The following PTPRG variants were observed in gnomAD, a reference collection of about 807,000 sequenced individuals.
PTPRG encodes the protein receptor-type tyrosine-protein phosphatase gamma.
In PTPRG, 102 loss-of-function variants were observed where a neutral mutation model predicts 165.3. The observed-to-expected ratio is 0.62, with a 90% CI of 0.53 to 0.73. PTPRG has a LOEUF of 0.73. Ranked by LOEUF, PTPRG falls within the 30% of genes least tolerant of loss-of-function variation. The probability of loss-of-function intolerance (pLI) is 0.00; values close to 1 mark genes in which losing one functional copy is unlikely to be tolerated. For synonymous variants in PTPRG, 675 were observed against 669.5 expected (o/e 1.01, Z -0.13); for missense variants, 1,866 against 1,861.4 (o/e 1.00, Z -0.05).
intron 5 of PTPRG, among the ~76,000 whole-genome samples, chr3:62,108,039 TCTCG>T (rs1345100125): frequency 1.3e-5 from 2 of 150,162 alleles, no homozygotes; most frequent in African/African-American, 2.5e-5. Flanking sequence ...AACATTTCTC[TCTCG>T]CTCTTTTTTT....
chr3:61,788,175 G>T (rs1284708608), intron 2 of PTPRG, among the ~76,000 whole-genome samples: 1 of 152,102 alleles, frequency 6.6e-6, no homozygotes, highest in African/African-American at 2.4e-5. Flanking sequence ...AACGTGTGCT[G>T]CATGGCGTCT....
chr3:61,811,640 C>T (rs1301958098), intron 2 of PTPRG, among the ~76,000 whole-genome samples: 1 of 152,162 alleles, frequency 6.6e-6, no homozygotes, highest in Admixed American at 6.5e-5. Flanking sequence ...AAATGATCTG[C>T]TTTTTCACAA....
chr3:61,887,157 TATATATATATA>T (rs2038070159), intron 2 of PTPRG, among the ~76,000 whole-genome samples: 3 of 87,104 alleles, frequency 3.4e-5, no homozygotes, highest in East Asian at 6.0e-4. Flanking sequence ...TATATATATA[TATATATATATA>T]TATTTTTAAT....
chr3:61,607,161 C>G (rs1701034074), intron 1 of PTPRG, among the ~76,000 whole-genome samples: 1 of 152,168 alleles, frequency 6.6e-6, no homozygotes, highest in South Asian at 2.1e-4. Context: ...CACGGATCAA[C>G]TTGGTTATCA....
intron 8 of PTPRG, among the ~76,000 whole-genome samples, chr3:62,181,616 G>C (rs1016531779): frequency 2.0e-5 from 3 of 152,120 alleles, no homozygotes; most frequent in Admixed American, 1.3e-4. Context: ...ATATGCCTTA[G>C]TGCTAGATGG....
chr3:62,193,738 G>A (rs1699894855), intron 9 of PTPRG, among the ~76,000 whole-genome samples: 1 of 152,188 alleles, frequency 6.6e-6, no homozygotes, highest in African/African-American at 2.4e-5. Flanking sequence ...ACAGCAGCAG[G>A]TGTGGCCACA....
chr3:61,713,163 T>C (rs1318523247), intron 1 of PTPRG, among the ~76,000 whole-genome samples: 2 of 140,570 alleles, frequency 1.4e-5, no homozygotes, highest in African/African-American at 6.0e-5. Context: ...ACATCAAATA[T>C]GTTTTTTTTT....
chr3:62,269,614 C>A (rs952765006), intron 20 of PTPRG, among the ~76,000 whole-genome samples: 1 of 152,112 alleles, frequency 6.6e-6, no homozygotes, highest in African/African-American at 2.4e-5. Context: ...TAATATATAT[C>A]CCCCCAGCAT....
intron 1 of PTPRG, among the ~76,000 whole-genome samples, chr3:61,745,968 A>G (rs949651389): frequency 6.6e-6 from 1 of 152,188 alleles, no homozygotes; most frequent in Non-Finnish European, 1.5e-5. Context: ...ACCCTCAGAG[A>G]GGGCTAGCTT....
intron 2 of PTPRG, among the ~76,000 whole-genome samples, chr3:61,799,026 A>AT (rs2035151356): frequency 6.6e-6 from 1 of 151,914 alleles, no homozygotes; most frequent in Non-Finnish European, 1.5e-5. Flanking sequence ...AAACATTAAA[A>AT]ATTTTTTTTT....
chr3:62,227,686 T>C (rs902714337), intron 13 of PTPRG, among the ~76,000 whole-genome samples: 3 of 152,292 alleles, frequency 2.0e-5, no homozygotes, highest in Admixed American at 6.5e-5. Flanking sequence ...TTCTTAAGCA[T>C]CTAGTTAGTT....
chr3:62,279,965 A>G (rs1396421651), intron 26 of PTPRG, among the ~76,000 whole-genome samples: 2 of 152,060 alleles, frequency 1.3e-5, no homozygotes, highest in Non-Finnish European at 2.9e-5. Flanking sequence ...GGTGTACATC[A>G]TAATCATATT....
At chr3:61,631,372 A>G (rs988968665) in intron 1 of PTPRG, among the ~76,000 whole-genome samples, 7 of 152,190 alleles carry the variant, frequency 4.6e-5, no homozygotes, top group African/African-American at 1.7e-4. Context: ...GTATGATAGT[A>G]TATTTTGAGA....
intron 2 of PTPRG, among the ~76,000 whole-genome samples, chr3:61,921,925 C>T (rs967563937): frequency 7.2e-5 from 11 of 152,146 alleles, no homozygotes; most frequent in African/African-American, 2.7e-4. Context: ...TGTCACCTTA[C>T]TTGAGTTTCC....
At chr3:61,626,312 C>T (rs1453633048) in intron 1 of PTPRG, among the ~76,000 whole-genome samples, 1 of 152,080 alleles carries the variant, frequency 6.6e-6, no homozygotes, top group Non-Finnish European at 1.5e-5. Flanking sequence ...CTTTTCCCTC[C>T]CTTAGCAGTG....
At chr3:62,189,940 C>A (rs1699766199) in intron 8 of PTPRG, among the ~76,000 whole-genome samples, 1 of 152,140 alleles carries the variant, frequency 6.6e-6, no homozygotes, top group African/African-American at 2.4e-5. Context: ...CACCGGATCC[C>A]TTTACAGCTC....
At chr3:62,284,185 G>A (rs567864526) in intron 28 of PTPRG, among the ~76,000 whole-genome samples, 3 of 152,192 alleles carry the variant, frequency 2.0e-5, no homozygotes, top group Admixed American at 1.3e-4. Context: ...GTTTTGTCCT[G>A]AAGTCAGTAA....
chr3:62,137,615 A>G (rs895559357), intron 6 of PTPRG, among the ~76,000 whole-genome samples: 1 of 152,156 alleles, frequency 6.6e-6, no homozygotes, highest in African/African-American at 2.4e-5. Context: ...GCCAGGATTC[A>G]GAAAGCTGTA....
intron 5 of PTPRG, among the ~76,000 whole-genome samples, chr3:62,102,481 C>CA (rs1702326191): frequency 1.3e-5 from 2 of 152,126 alleles, no homozygotes; most frequent in Non-Finnish European, 2.9e-5. Context: ...CCATATTGGC[C>CA]AGGCTGGTCC....
Sources: allele counts gnomAD v4.1 joint callset (sites outside exome capture counted in the v4.1 genomes callset), GRCh38; gene constraint gnomAD v4.1.1; transcripts MANE v1.5; gene names NCBI Gene and HGNC (gene_info 2026-07-23, HGNC 2026-07-21).